SUMF1: variants seen among roughly 807,000 people sequenced by gnomAD.
SUMF1 encodes the protein formylglycine-generating enzyme.
A neutral mutation model predicts 47.6 loss-of-function variants in SUMF1; 48 were observed. That is an observed-to-expected ratio of 1.01 (90% confidence interval 0.80 to 1.28). SUMF1 has a LOEUF of 1.28. SUMF1 is among the 50% of genes most tolerant of loss of function. SUMF1 has a pLI of 0.00. For missense variants in SUMF1, 571 were observed against 485.4 expected (o/e 1.18, Z -1.66); for synonymous variants, 230 against 192.1 (o/e 1.20, Z -1.63).
chr3:4,207,195 T>A (rs1695671896), intron 8 of SUMF1, among the ~76,000 whole-genome samples: 1 of 152,186 alleles, frequency 6.6e-6, no homozygotes. Context: ...TATTTATCTT[T>A]TACCTTATGA....
At chr3:4,393,864 T>G (rs1241578272) in intron 7 of SUMF1, among the ~76,000 whole-genome samples, 1 of 152,088 alleles carries the variant, frequency 6.6e-6, no homozygotes, top group Admixed American at 6.6e-5. Flanking sequence ...TGTTCAGTTT[T>G]GTACTTGTTT....
intron 8 of SUMF1, among the ~76,000 whole-genome samples, chr3:4,168,034 A>G (rs909199460): frequency 3.3e-5 from 5 of 152,176 alleles, no homozygotes; most frequent in African/African-American, 1.2e-4. Flanking sequence ...TGTGCTCATA[A>G]AAGTTTAAAA....
chr3:4,396,335 C>T lies in SUMF1; in HGVS notation c.954+14530G>A, dbSNP rs111440294. Among the ~76,000 whole-genome samples the T allele has an allele frequency of 3.3e-5, 5 of 152,186 alleles. No homozygotes were observed. The East Asian group carries it at 9.6e-4, about 29-fold the overall frequency. ...GACACACAAACCTCTCTATAGTTCA[C>T]GAGTTCCACAAGGCCATAAAAGCAC... On this transcript the variant is annotated intron_variant, in intron 7 of 8. Transcript: ENST00000272902.
At chr3:4,379,356 G>C (rs575260918) in intron 7 of SUMF1, among the ~76,000 whole-genome samples, 2 of 152,328 alleles carry the variant, frequency 1.3e-5, no homozygotes, top group African/African-American at 4.8e-5. Flanking sequence ...GATGAGGAGA[G>C]GATGCACAGA....
chr3:4,179,154 C>A lies in SUMF1; in HGVS notation c.1015-110409G>T, dbSNP rs186256582. ...CAGTGCCATCCCCATCAAGCTACCG[C>A]TGACTTTCTTCACAGAATTGCAAAA... is the stretch of plus-strand genomic sequence containing the variant. On this transcript the variant is annotated intron_variant and NMD_transcript_variant, in intron 8 of 12. Coordinates refer to the SUMF1 transcript ENST00000448413. Among the ~76,000 whole-genome samples the A allele has an allele frequency of 8.1e-4, 124 of 152,250 alleles. 3 individuals are homozygous for A. In the East Asian group the frequency reaches 0.021, roughly 26 times the overall value.
intron 8 of SUMF1, among the ~76,000 whole-genome samples, chr3:4,109,310 G>A (rs1351729516): frequency 1.3e-5 from 2 of 152,126 alleles, no homozygotes; most frequent in Admixed American, 6.6e-5. Flanking sequence ...AGTCTGATGG[G>A]CTTCCCTTTG....
intron 8 of SUMF1, among the ~76,000 whole-genome samples, chr3:4,225,205 A>T (rs1696147853): frequency 6.6e-6 from 1 of 152,110 alleles, no homozygotes; most frequent in African/African-American, 2.4e-5. Flanking sequence ...TAATCTTAGA[A>T]AAACATCTGC....
intron 1 of SUMF1, among the ~76,000 whole-genome samples, chr3:4,459,500 C>T (rs1012154620): frequency 1.3e-5 from 2 of 152,178 alleles, no homozygotes; most frequent in African/African-American, 4.8e-5. Flanking sequence ...ATTGATTCTA[C>T]TTTCCATTTC....
intron 8 of SUMF1, among the ~76,000 whole-genome samples, chr3:4,211,645 T>A (rs1695797776): frequency 6.6e-6 from 1 of 152,094 alleles, no homozygotes; most frequent in Admixed American, 6.6e-5. Context: ...TCTTCAATTC[T>A]CCAAAAGATG....
At chr3:4,179,647 A>C (rs1054464384) in intron 8 of SUMF1, among the ~76,000 whole-genome samples, 1 of 152,156 alleles carries the variant, frequency 6.6e-6, no homozygotes, top group Admixed American at 6.5e-5. Context: ...GGACTTCATG[A>C]CTAAAACACC....
chr3:4,104,345 G>C (rs114486050), intron 8 of SUMF1, among the ~76,000 whole-genome samples: 1 of 152,084 alleles, frequency 6.6e-6, no homozygotes, highest in Admixed American at 6.5e-5. Flanking sequence ...GAGTCCATTA[G>C]ACCTCTTTTT....
At chr3:4,411,520 C>T (rs200299474) in intron 6 of SUMF1, among the ~76,000 whole-genome samples, 2 of 152,070 alleles carry the variant, frequency 1.3e-5, no homozygotes, top group East Asian at 3.8e-4. Context: ...AAATGTGAAT[C>T]CATTATCAAG....
At chr3:4,454,251 C>T (rs1427438292) in intron 1 of SUMF1, among the ~76,000 whole-genome samples, 1 of 152,162 alleles carries the variant, frequency 6.6e-6, no homozygotes, top group Non-Finnish European at 1.5e-5. Context: ...TTGGGGCTGC[C>T]TTATTCACAG....
chr3:4,079,463 C>T (rs1441371234), intron 8 of SUMF1, among the ~76,000 whole-genome samples: 3 of 151,914 alleles, frequency 2.0e-5, no homozygotes, highest in African/African-American at 7.3e-5. Flanking sequence ...AGCAGAAGCT[C>T]ATATGCTGTC....
chr3:4,102,628 T>C (rs1228312759), intron 8 of SUMF1, among the ~76,000 whole-genome samples: 1 of 152,192 alleles, frequency 6.6e-6, no homozygotes, highest in Non-Finnish European at 1.5e-5. Flanking sequence ...CTAATAGTGC[T>C]TCCCATGTTC....
chr3:4,136,255 A>G (rs1693927028), intron 8 of SUMF1, among the ~76,000 whole-genome samples: 2 of 152,194 alleles, frequency 1.3e-5, no homozygotes, highest in Admixed American at 1.3e-4. Flanking sequence ...CCAAAACAGC[A>G]TGGTACTGGT....
intron 8 of SUMF1, among the ~76,000 whole-genome samples, chr3:4,198,777 A>T (rs1224819295): frequency 6.6e-6 from 1 of 152,032 alleles, no homozygotes; most frequent in Non-Finnish European, 1.5e-5. Flanking sequence ...AACTGTCTCC[A>T]CTGAAGAAGA....
chr3:4,278,408 T>A (rs758546034), intron 8 of SUMF1, among the ~76,000 whole-genome samples: 52 of 152,152 alleles, frequency 3.4e-4, no homozygotes, highest in Non-Finnish European at 4.7e-4. Context: ...AATTTGGCTA[T>A]AATTTTAAAG....
At chr3:4,173,017 G>A (rs530831482) in intron 8 of SUMF1, among the ~76,000 whole-genome samples, 2 of 152,216 alleles carry the variant, frequency 1.3e-5, no homozygotes, top group East Asian at 1.9e-4. Flanking sequence ...TCCATCTTGA[G>A]TTAATTTCTG....
Sources: gnomAD v4.1 joint callset for allele counts (sites outside exome capture counted in the v4.1 genomes callset) on GRCh38, gnomAD v4.1.1 for gene constraint, MANE v1.5 for transcripts, NCBI Gene and HGNC (gene_info 2026-07-23, HGNC 2026-07-21) for gene names.